USP30: variants seen among roughly 807,000 people sequenced by gnomAD.
The protein encoded by USP30 is ubiquitin carboxyl-terminal hydrolase 30.
In USP30, 41 loss-of-function variants were observed where a neutral mutation model predicts 68.2. That is an observed-to-expected ratio of 0.60 (90% CI 0.47 to 0.78). The LOEUF is 0.78. USP30 is among the 30% of genes least tolerant of loss of function. The pLI is 0.00. For missense variants in USP30, 522 were observed against 649.4 expected (o/e 0.80, Z 2.13); for synonymous variants, 229 against 253.7 (o/e 0.90, Z 0.93).
At chr12:109,075,841 CTTTTT>C (rs34221615) in intron 7 of USP30, among the ~76,000 whole-genome samples, 1 of 119,684 alleles carries the variant, frequency 8.4e-6, no homozygotes, top group Non-Finnish European at 1.8e-5. Flanking sequence ...GTTACTTTTT[CTTTTT>C]TTTTTTTTTT....
chr12:109,060,146 G>A (rs1170977412), intron 3 of USP30: 1 of 152,076 alleles, frequency 6.6e-6, no homozygotes, highest in Non-Finnish European at 1.5e-5. Context: ...TTGGGTGAGG[G>A]CATAGGCTGT....
At position 109,058,061 on chromosome 12, in the gene USP30, C is replaced by T. The variant is rs536707050; in HGVS notation, c.329C>T (p.Pro110Leu). 61 of 1,613,944 alleles carry T rather than the reference C, an allele frequency of 3.8e-5. 1 individual carries two copies. In the South Asian group the frequency reaches 5.7e-4, roughly 15 times the overall value. The change falls in exon 3 of 13, where the codon CCC (proline) becomes CTC (leucine). Residue 110 changes from proline (P) to leucine (L), a missense_variant. By Grantham distance (98) the Pro-to-Leu change is moderately conservative. Transcript: ENST00000257548. ...TSQYSRDQKE[P>L]PSHQYLSLTL... The stretch of plus-strand genomic sequence containing the variant: ...CAGTACTCCAGGGATCAGAAGGAGC[C>T]CCCCTCACACCAGTATTTATCCTTA...
At chr12:109,024,546 C>T (rs2135644615) in intron 1 of USP30, among the ~76,000 whole-genome samples, 1 of 152,208 alleles carries the variant, frequency 6.6e-6, no homozygotes, top group South Asian at 2.1e-4. Flanking sequence ...GCTTGAGCCA[C>T]CGTGCCCGGC....
chr12:109,069,258 C>G (rs1447829354), intron 4 of USP30, among the ~76,000 whole-genome samples: 3 of 152,228 alleles, frequency 2.0e-5, no homozygotes, highest in African/African-American at 7.2e-5. Context: ...ATAGATCCAC[C>G]TCCATCCTTT....
In USP30 at chr12:109,081,344, G is replaced by T. The variant is rs755569330; in HGVS notation, c.731G>T (p.Arg244Leu). ...CAATATTTCTTTCAGAGTCCTGTTC[G>T]ATTTGATACCTTTGATAGCCTTTCA... is the stretch of plus-strand genomic sequence containing the variant. ...CKHCEHQSPV[R>L]FDTFDSLSLS... Residue 244 changes from arginine (R) to leucine (L), a missense_variant, in exon 8 of 13, where the codon CGA becomes CTA. Coordinates refer to ENST00000257548, the MANE Select transcript of USP30 (RefSeq NM_032663.5). The T allele has an allele frequency of 6.2e-7, 1 of 1,613,908 alleles. No homozygotes were observed. The highest frequency in any genetic ancestry group is 1.3e-5 in the African/African-American group (1 of 74,882).
chr12:109,054,721 T>G (rs949066569), intron 1 of USP30: 1 of 152,104 alleles, frequency 6.6e-6, no homozygotes, highest in African/African-American at 2.4e-5. Context: ...ATTGTACAGA[T>G]GAGGAAACTG....
intron 3 of USP30, among the ~76,000 whole-genome samples, chr12:109,031,320 CT>C (rs2040479627): frequency 6.6e-6 from 1 of 152,212 alleles, no homozygotes; most frequent in Non-Finnish European, 1.5e-5. Context: ...ATGGCATTGT[CT>C]TTGTCATGCT....
Position 109,052,769 on chromosome 12 carries a change from T to G in USP30, c.83+8T>G, listed in dbSNP as rs772717099. On this transcript the variant is annotated splice_region_variant and intron_variant, in intron 1 of 12. Transcript: ENST00000257548. The stretch of plus-strand genomic sequence containing the variant: ...GACCGGGGCGGCCGTCAGGTGAGAT[T>G]TTGGGGGGCGGGGCTGCCGAAGAGG... The G allele has an allele frequency of 6.9e-7, 1 of 1,444,892 alleles. No homozygotes were observed. Among genetic ancestry groups the G allele is most frequent in the East Asian group, 2.8e-5 (1 of 36,352 alleles). The allele number at this position is 1,444,892 out of a possible 1,614,324, so 89.5% of individuals were successfully genotyped here.
intron 3 of USP30, among the ~76,000 whole-genome samples, chr12:109,046,822 G>A (rs761717706): frequency 1.3e-5 from 2 of 152,086 alleles, no homozygotes; most frequent in African/African-American, 2.4e-5. Context: ...TCAGCCTCCC[G>A]AGTAGCTAGG....
chr12:109,066,531 A>G (rs923289203), intron 3 of USP30, among the ~76,000 whole-genome samples: 1 of 152,090 alleles, frequency 6.6e-6, no homozygotes, highest in African/African-American at 2.4e-5. Flanking sequence ...TAAAAATACA[A>G]AAATTAGTCG....
chr12:109,052,513 C>A, upstream of USP30: 2 of 513,844 alleles, frequency 3.9e-6, no homozygotes, highest in South Asian at 4.9e-5. Flanking sequence ...TCTCCGGGGG[C>A]AGCTACTTCC....
chr12:109,047,219 T>C (rs1356058387), intron 3 of USP30, among the ~76,000 whole-genome samples: 3 of 152,152 alleles, frequency 2.0e-5, no homozygotes, highest in East Asian at 1.9e-4. Context: ...TCAACATTTA[T>C]TCACCTAAGA....
At chr12:109,065,425 G>A (rs888173416) in intron 3 of USP30, among the ~76,000 whole-genome samples, 1 of 152,306 alleles carries the variant, frequency 6.6e-6, no homozygotes, top group East Asian at 1.9e-4. Flanking sequence ...CAAAGAGTTC[G>A]AGATCCAGCT....
rs771289025 is a variant in USP30, at chr12:109,082,005, G to A, written c.853G>A (p.Asp285Asn). Residue 285 changes from aspartate to asparagine, a missense_variant, in exon 9 of 13, where the codon GAC becomes AAC. By Grantham distance (23) the Asp-to-Asn change is conservative. Coordinates refer to ENST00000257548, the MANE Select transcript of USP30 (RefSeq NM_032663.5). Reference sequence around the variant, plus strand: ...AGAATCAGTGCGGGATGTTGTGTGTGACAACTGTACAAAGGTATGCATTGA... The same window carrying A: ...AGAATCAGTGCGGGATGTTGTGTGTAACAACTGTACAAAGGTATGCATTGA... ...SSESVRDVVCDNCTKIEAKGT... is the reference protein window; with the variant it reads ...SSESVRDVVCNNCTKIEAKGT... The A allele has an allele frequency of 6.2e-6, 10 of 1,614,094 alleles. No homozygotes were observed. The East Asian group carries it at 6.7e-5, about 11-fold the overall frequency.
intron 7 of USP30, among the ~76,000 whole-genome samples, chr12:109,078,230 C>T (rs2041671113): frequency 1.3e-5 from 2 of 152,066 alleles, no homozygotes; most frequent in Admixed American, 6.6e-5. Context: ...TCAAGACCAG[C>T]ATGGCCAACA....
intron 1 of USP30, among the ~76,000 whole-genome samples, chr12:109,055,400 A>ATATTTTTTTTTTT (rs1298811530): frequency 8.2e-5 from 2 of 24,468 alleles, no homozygotes; most frequent in African/African-American, 2.2e-4. Flanking sequence ...ATATATATAT[A>ATATTTTTTTTTTT]TTTTTTTTTT....
intron 3 of USP30, among the ~76,000 whole-genome samples, chr12:109,043,955 T>C (rs952215195): frequency 6.6e-6 from 1 of 152,146 alleles, no homozygotes; most frequent in Non-Finnish European, 1.5e-5. Flanking sequence ...AGCTAAAACA[T>C]AGGTAGCAAC....
chr12:109,029,890 A>T (rs975134462), intron 3 of USP30, among the ~76,000 whole-genome samples: 1 of 152,046 alleles, frequency 6.6e-6, no homozygotes, highest in Non-Finnish European at 1.5e-5. Context: ...CATTAATGGT[A>T]CCCTATCTGT....
chr12:109,049,613 G>A (rs1364969635), upstream of USP30, among the ~76,000 whole-genome samples: 3 of 151,868 alleles, frequency 2.0e-5, no homozygotes, highest in African/African-American at 7.3e-5. Flanking sequence ...TCAGGAGTTC[G>A]AAACCAGCCT....
Sources: gnomAD v4.1 joint callset for allele counts (sites outside exome capture counted in the v4.1 genomes callset) on GRCh38, gnomAD v4.1.1 for gene constraint, MANE v1.5 for transcripts, NCBI Gene and HGNC (gene_info 2026-07-23, HGNC 2026-07-21) for gene names.